Variants in SLC41A3 observed in about 807,000 individuals in gnomAD.
SLC41A3 encodes solute carrier family 41 member 3.
Under a neutral mutation model 45.4 loss-of-function variants are expected in SLC41A3, and 44 were observed. The ratio of observed to expected loss-of-function variants is 0.97; its 90% CI spans 0.76 to 1.25. The LOEUF (loss-of-function observed/expected upper bound fraction) is 1.25, where lower values mean the gene tolerates loss of function less well. SLC41A3 is among the 50% of genes most tolerant of loss of function. The probability of loss-of-function intolerance (pLI) is 0.00; values close to 1 mark genes in which losing one functional copy is unlikely to be tolerated. For missense variants in SLC41A3, 550 were observed against 600.6 expected, an observed-to-expected ratio of 0.92 and a Z score of 0.88; for synonymous variants, 256 against 252.4, an observed-to-expected ratio of 1.01 and a Z score of -0.13.
At chr3:126,073,806 A>C (rs1944746267) in intron 1 of SLC41A3, among the ~76,000 whole-genome samples, 1 of 152,190 alleles carries the variant, frequency 6.6e-6, no homozygotes, top group South Asian at 2.1e-4. Context: ...AAAATAACAC[A>C]AATCCTTCAT....
chr3:126,095,425 C>A (rs1459719750), intron 1 of SLC41A3: 2 of 484,072 alleles, frequency 4.1e-6, no homozygotes, highest in Non-Finnish European at 7.2e-6. Context: ...GAAAGCGAGA[C>A]AGCCAGTCAC....
intron 1 of SLC41A3, among the ~76,000 whole-genome samples, chr3:126,072,138 G>C (rs910260101): frequency 6.6e-6 from 1 of 152,104 alleles, no homozygotes; most frequent in Non-Finnish European, 1.5e-5. Flanking sequence ...AAATTTCTTT[G>C]AGATGAATGA....
intron 4 of SLC41A3, among the ~76,000 whole-genome samples, chr3:126,030,988 T>G (rs2107756644): frequency 6.6e-6 from 1 of 152,336 alleles, no homozygotes; most frequent in African/African-American, 2.4e-5. Flanking sequence ...CATTCACAGC[T>G]GATATTTACT....
upstream of SLC41A3, among the ~76,000 whole-genome samples, chr3:126,085,855 G>C (rs2108121228): frequency 6.6e-6 from 1 of 152,144 alleles, no homozygotes; most frequent in East Asian, 1.9e-4. Flanking sequence ...ACATGCAGCA[G>C]CCCTATGGGG....
chr3:126,015,602 T>G (rs759127642), intron 7 of SLC41A3, 29 bp from the exon 8 acceptor site: 1 of 1,609,718 alleles, frequency 6.2e-7, no homozygotes, highest in Non-Finnish European at 8.5e-7. Context: ...GCAGTCAAGT[T>G]ATCAGAGTTT....
At chr3:126,101,392 A>C (rs1559905538) in intron 1 of SLC41A3, 1 of 152,262 alleles carries the variant, frequency 6.6e-6, no homozygotes, top group East Asian at 1.9e-4. Flanking sequence ...GGGACAAAGA[A>C]AGGAAATTGG....
At chr3:126,046,976 A>AG (rs1943008425) in intron 3 of SLC41A3, among the ~76,000 whole-genome samples, 1 of 151,360 alleles carries the variant, frequency 6.6e-6, no homozygotes, top group African/African-American at 2.4e-5. Flanking sequence ...AAAAAAAAAA[A>AG]AGAAAAGAAA....
intron 4 of SLC41A3, among the ~76,000 whole-genome samples, chr3:126,027,194 C>A (rs1941428986): frequency 6.6e-6 from 1 of 152,114 alleles, no homozygotes; most frequent in African/African-American, 2.4e-5. Flanking sequence ...GGAGATGGGG[C>A]CTGGTGGGAG....
At position 126,081,320 on chromosome 3, in the gene SLC41A3, G is replaced by A. The variant is rs534755945; in HGVS notation, c.-28+2773C>T. Among the ~76,000 whole-genome samples the A allele has an allele frequency of 3.3e-5, 5 of 152,366 alleles. No homozygotes were observed. The East Asian group carries it at 9.6e-4, about 29-fold the overall frequency. On this transcript the variant is annotated intron_variant, in intron 1 of 10. Coordinates refer to ENST00000360370, the MANE Select transcript of SLC41A3 (RefSeq NM_017836.4). ...GAGCGCTGAAGGAGGGGATCTCAAG[G>A]AGGTAGAAAGTTCAATGGTTACCAA...
chr3:126,051,818 G>A (rs1056882268), intron 2 of SLC41A3, among the ~76,000 whole-genome samples: 13 of 152,094 alleles, frequency 8.5e-5, no homozygotes, highest in African/African-American at 3.1e-4. Context: ...AGCTTCTCCT[G>A]GTTTTGGAAT....
At chr3:126,063,956 C>CCCCCCT (rs1002674529) in intron 2 of SLC41A3, among the ~76,000 whole-genome samples, 1 of 142,212 alleles carries the variant, frequency 7.0e-6, no homozygotes, top group African/African-American at 2.5e-5. Context: ...CCAACCCCCC[C>CCCCCCT]CCGGGGACAC....
intron 1 of SLC41A3, among the ~76,000 whole-genome samples, chr3:126,091,671 A>G (rs1381516762): frequency 1.3e-5 from 2 of 152,188 alleles, no homozygotes; most frequent in Non-Finnish European, 2.9e-5. Context: ...CTCTTAGTTA[A>G]TTCTTTCCTG....
intron 1 of SLC41A3, among the ~76,000 whole-genome samples, chr3:126,082,190 C>G (rs1156735060): frequency 6.6e-6 from 1 of 152,222 alleles, no homozygotes; most frequent in Admixed American, 6.5e-5. Flanking sequence ...TCACTGACAG[C>G]TCGTGCAGAT....
Position 126,016,872 on chromosome 3 carries a change from C to T in SLC41A3, c.749G>A (p.Ser250Asn). 1 of 1,611,872 alleles carries T rather than the reference C, an allele frequency of 6.2e-7. No individual in the cohort carries two copies. Among genetic ancestry groups the T allele is most frequent in the Non-Finnish European group, 8.5e-7 (1 of 1,179,834 alleles). Residue 250 changes from serine to asparagine, a missense_variant, in exon 7 of 11, where the codon AGT (serine) becomes AAT (asparagine). By Grantham distance (46) the Ser-to-Asn change is conservative (BLOSUM62 1). Coordinates refer to ENST00000360370, the MANE Select transcript of SLC41A3 (RefSeq NM_017836.4). Reference protein sequence around the residue: ...VSSFFYRHKDSRYLTPLVCLS... With the variant: ...VSSFFYRHKDNRYLTPLVCLS... ...GCAGACCAGCGGCGTCAGATACCGA[C>T]TATCTGAAAGGAGAACAGGGACACA... is the stretch of plus-strand genomic sequence containing the variant.
At chr3:126,025,257 G>A (rs538251689) in intron 5 of SLC41A3, 7 of 152,256 alleles carry the variant, frequency 4.6e-5, no homozygotes, top group Non-Finnish European at 8.8e-5. Flanking sequence ...GCACATGTGC[G>A]AGCCCCAAGG....
intron 1 of SLC41A3, among the ~76,000 whole-genome samples, chr3:126,069,037 G>A (rs1373066684): frequency 6.6e-6 from 1 of 150,564 alleles, no homozygotes; most frequent in Non-Finnish European, 1.5e-5. Context: ...CAGGGGTTTC[G>A]AAAAATTCCC....
chr3:126,096,726 G>A (rs1217417115), intron 1 of SLC41A3, among the ~76,000 whole-genome samples: 3 of 152,182 alleles, frequency 2.0e-5, no homozygotes, highest in African/African-American at 7.2e-5. Flanking sequence ...GCTAATGACT[G>A]GCTTGCTGTT....
chr3:126,064,481 T>C lies in SLC41A3; in HGVS notation c.273+3466A>G, dbSNP rs575839289. Reference sequence around the variant, plus strand: ...CATCCTCCTGCCTGGGTGACTGGTATGAGGACTAACAAATTGCCGTGGTCC... The same window carrying C: ...CATCCTCCTGCCTGGGTGACTGGTACGAGGACTAACAAATTGCCGTGGTCC... On this transcript the variant is annotated intron_variant, in intron 2 of 10. Coordinates refer to ENST00000360370, the MANE Select transcript of SLC41A3 (RefSeq NM_017836.4). Among the ~76,000 whole-genome samples, 102 of 152,206 alleles carry C rather than the reference T, an allele frequency of 6.7e-4. 1 individual carries two copies. In the South Asian group the frequency reaches 0.013, roughly 19 times the overall value.
intron 1 of SLC41A3, among the ~76,000 whole-genome samples, chr3:126,090,724 C>A (rs1424269939): frequency 2.0e-5 from 3 of 152,192 alleles, no homozygotes; most frequent in Admixed American, 1.3e-4. Context: ...TGGGCCCAGA[C>A]CTGTTTCACT....
Sources: allele counts gnomAD v4.1 joint callset (sites outside exome capture counted in the v4.1 genomes callset), GRCh38; gene constraint gnomAD v4.1.1; transcripts MANE v1.5; gene names NCBI Gene and HGNC (gene_info 2026-07-23, HGNC 2026-07-21).